CACNA2D3: variants seen among roughly 807,000 people sequenced by gnomAD.
The protein encoded by CACNA2D3 is calcium voltage-gated channel auxiliary subunit alpha2delta 3, also known as voltage-dependent calcium channel subunit alpha-2/delta-3.
CACNA2D3 carries 60 observed loss-of-function variants against 160.6 expected under a neutral mutation model. That is an observed-to-expected ratio of 0.37 (90% CI 0.30 to 0.46). The LOEUF is 0.46. CACNA2D3 is among the 20% of genes least tolerant of loss of function. The pLI is 1.00. For missense variants in CACNA2D3, 1,205 were observed against 1,365.0 expected (o/e 0.88, Z 1.85); for synonymous variants, 558 against 492.9 (o/e 1.13, Z -1.75).
intron 5 of CACNA2D3, among the ~76,000 whole-genome samples, chr3:54,524,174 A>G (rs1701689451): frequency 1.3e-5 from 2 of 152,212 alleles, no homozygotes; most frequent in Middle Eastern, 3.4e-3. Context: ...CTGTAACTGC[A>G]CTACATAAGT....
intron 35 of CACNA2D3, among the ~76,000 whole-genome samples, chr3:55,021,897 T>C (rs1233418934): frequency 1.3e-5 from 2 of 151,938 alleles, no homozygotes; most frequent in African/African-American, 4.8e-5. Flanking sequence ...ACACATCTAT[T>C]TTAGTATCTG....
At chr3:55,025,835 C>T (rs760404439) in intron 35 of CACNA2D3, among the ~76,000 whole-genome samples, 4 of 151,822 alleles carry the variant, frequency 2.6e-5, no homozygotes, top group Non-Finnish European at 5.9e-5. Flanking sequence ...CCTTTCCAAG[C>T]TTTATTTCAA....
intron 11 of CACNA2D3, among the ~76,000 whole-genome samples, chr3:54,712,104 A>C (rs567415839): frequency 6.6e-6 from 1 of 152,356 alleles, no homozygotes; most frequent in African/African-American, 2.4e-5. Context: ...GACCTCAGGC[A>C]AGAGTATAAA....
intron 35 of CACNA2D3, among the ~76,000 whole-genome samples, chr3:55,061,894 T>A (rs1374607651): frequency 6.6e-6 from 1 of 152,110 alleles, no homozygotes; most frequent in African/African-American, 2.4e-5. Context: ...GTGCAGTCCT[T>A]CCCAGAAGGA....
At chr3:54,879,874 C>T (rs1699750758) in intron 20 of CACNA2D3, among the ~76,000 whole-genome samples, 2 of 152,192 alleles carry the variant, frequency 1.3e-5, no homozygotes, top group South Asian at 4.1e-4. Flanking sequence ...ACTTTTGAAT[C>T]CTGTTGTTTC....
At chr3:54,899,548 C>T (rs1312421883) in intron 26 of CACNA2D3, among the ~76,000 whole-genome samples, 1 of 152,142 alleles carries the variant, frequency 6.6e-6, no homozygotes, top group Non-Finnish European at 1.5e-5. Context: ...GCTGGATGTT[C>T]CCCAGTGCAC....
At chr3:54,401,608 C>A (rs1234499871) in intron 4 of CACNA2D3, among the ~76,000 whole-genome samples, 2 of 152,006 alleles carry the variant, frequency 1.3e-5, no homozygotes, top group Admixed American at 6.6e-5. Context: ...TTTTAAAGTA[C>A]TGAAAGGAAA....
At chr3:54,978,552 G>C (rs777845759) in intron 29 of CACNA2D3, among the ~76,000 whole-genome samples, 2 of 152,198 alleles carry the variant, frequency 1.3e-5, no homozygotes, top group South Asian at 4.1e-4. Context: ...TAGTAAGCTT[G>C]TCCAGCATTT....
At chr3:54,555,940 T>G (rs1702235433) in intron 5 of CACNA2D3, among the ~76,000 whole-genome samples, 1 of 152,132 alleles carries the variant, frequency 6.6e-6, no homozygotes, top group South Asian at 2.1e-4. Flanking sequence ...GGAAGAATGG[T>G]TAGCTTAGGA....
At chr3:54,940,704 G>T (rs1050393125) in intron 27 of CACNA2D3, among the ~76,000 whole-genome samples, 1 of 152,166 alleles carries the variant, frequency 6.6e-6, no homozygotes, top group Admixed American at 6.5e-5. Context: ...TGTATGAAAA[G>T]TCTTTGTACT....
intron 35 of CACNA2D3, among the ~76,000 whole-genome samples, chr3:55,034,470 A>C (rs374217094): frequency 6.6e-6 from 1 of 151,844 alleles, no homozygotes; most frequent in Non-Finnish European, 1.5e-5. Context: ...AAAATTAACC[A>C]TTTTTCCTAT....
At chr3:54,948,964 AC>A (rs1701686318) in intron 27 of CACNA2D3, among the ~76,000 whole-genome samples, 1 of 152,214 alleles carries the variant, frequency 6.6e-6, no homozygotes, top group Non-Finnish European at 1.5e-5. Context: ...CATAGTTATA[AC>A]CAGCTTCAGG....
chr3:54,426,222 G>A (rs1699910392), intron 4 of CACNA2D3, among the ~76,000 whole-genome samples: 1 of 152,128 alleles, frequency 6.6e-6, no homozygotes, highest in Non-Finnish European at 1.5e-5. Flanking sequence ...GAAGGCACAG[G>A]ATATTTGCAA....
intron 2 of CACNA2D3, among the ~76,000 whole-genome samples, chr3:54,293,106 C>T (rs751057491): frequency 5.3e-5 from 8 of 152,100 alleles, no homozygotes; most frequent in Non-Finnish European, 7.3e-5. Context: ...TCTACTTATA[C>T]GAAGTACCTG....
chr3:54,743,108 C>T (rs986777583), intron 11 of CACNA2D3, among the ~76,000 whole-genome samples: 3 of 152,114 alleles, frequency 2.0e-5, no homozygotes, highest in Non-Finnish European at 4.4e-5. Flanking sequence ...CCTTAATTTC[C>T]CAAATTTGTG....
intron 13 of CACNA2D3, among the ~76,000 whole-genome samples, chr3:54,778,143 G>A (rs1367455548): frequency 6.6e-6 from 1 of 152,090 alleles, no homozygotes; most frequent in African/African-American, 2.4e-5. Flanking sequence ...GGAGCAGAAG[G>A]AAGAGAGAGA....
intron 11 of CACNA2D3, among the ~76,000 whole-genome samples, chr3:54,707,040 T>C (rs1036147438): frequency 1.3e-5 from 2 of 152,332 alleles, no homozygotes; most frequent in Admixed American, 6.5e-5. Context: ...AGGCCTCCTT[T>C]ACAAAATCCT....
intron 2 of CACNA2D3, among the ~76,000 whole-genome samples, chr3:54,210,189 A>G (rs754918754): frequency 6.6e-6 from 1 of 152,186 alleles, no homozygotes; most frequent in Admixed American, 6.5e-5. Context: ...AGAGGAGTGT[A>G]TGAGCCCAGA....
intron 11 of CACNA2D3, among the ~76,000 whole-genome samples, chr3:54,732,166 G>C (rs1701401917): frequency 6.6e-6 from 1 of 152,174 alleles, no homozygotes; most frequent in Non-Finnish European, 1.5e-5. Flanking sequence ...TTTCCTTTGA[G>C]CCTGATATAT....
Sources: allele counts gnomAD v4.1 joint callset (sites outside exome capture counted in the v4.1 genomes callset), GRCh38; gene constraint gnomAD v4.1.1; transcripts MANE v1.5; gene names NCBI Gene and HGNC (gene_info 2026-07-23, HGNC 2026-07-21).